Variants in SPOP observed in about 807,000 individuals in gnomAD.
The protein encoded by SPOP is speckle-type POZ protein.
Under a neutral mutation model 45.6 loss-of-function variants are expected in SPOP, and 11 were observed. The ratio of observed to expected loss-of-function variants is 0.24; its 90% CI spans 0.15 to 0.40. The LOEUF is 0.40. Among genes scored for constraint, SPOP ranks in the 10% least tolerant of loss-of-function variants. The probability of loss-of-function intolerance (pLI) is 1.00; values close to 1 mark genes in which losing one functional copy is unlikely to be tolerated. For missense variants in SPOP, 152 were observed against 465.6 expected, an observed-to-expected ratio of 0.33 and a Z score of 6.20; for synonymous variants, 166 against 166.3, an observed-to-expected ratio of 1.00 and a Z score of 0.01.
chr17:49,607,830 C>T, intron 7 of SPOP, 44 bp downstream of exon 7: 1 of 1,570,092 alleles, frequency 6.4e-7, no homozygotes, highest in Non-Finnish European at 8.7e-7. Flanking sequence ...TCATCTGACT[C>T]TAGATACCTG....
At chr17:49,663,827 G>C (rs542562302) in intron 1 of SPOP, among the ~76,000 whole-genome samples, 1 of 152,320 alleles carries the variant, frequency 6.6e-6, no homozygotes, top group East Asian at 1.9e-4. Context: ...GACAGTATTT[G>C]TTGCCAATGA....
Position 49,598,933 on chromosome 17 carries a change from G to A in SPOP, c.*1445C>T, listed in dbSNP as rs116782699. ...TTAATCTCCACATTTATGTCCCCTG[G>A]ATCTTTTTATATTTAGTTAGAAGAA... is the stretch of plus-strand genomic sequence containing the variant. On this transcript the variant is annotated 3_prime_UTR_variant, in exon 10 of 10. Transcript: ENST00000504102. 5.3e-6 allele frequency: 1 copy of A among 188,876 alleles called. No individual in the cohort carries two copies. The highest frequency in any genetic ancestry group is 2.3e-5 in the African/African-American group (1 of 42,782). The allele number at this position is 188,876 out of a possible 1,614,324, so 11.7% of individuals were successfully genotyped here.
chr17:49,607,376 T>G lies in SPOP; in HGVS notation c.715-4A>C. The G allele has an allele frequency of 6.2e-7, 1 of 1,611,396 alleles. No individual in the cohort carries two copies. Among genetic ancestry groups the G allele is most frequent in the South Asian group, 1.1e-5 (1 of 90,578 alleles). ...CATCATTGATTTCAACTCGATTCTA[T>G]GCCAGAAAAACTGAATATGAGAAAC... On this transcript the variant is annotated splice_polypyrimidine_tract_variant and splice_region_variant and intron_variant, in intron 7 of 9. Coordinates refer to ENST00000504102, the MANE Select transcript of SPOP (RefSeq NM_001007228.2).
intron 1 of SPOP, among the ~76,000 whole-genome samples, chr17:49,663,892 G>C (rs1208888441): frequency 6.6e-6 from 1 of 152,206 alleles, no homozygotes; most frequent in African/African-American, 2.4e-5. Context: ...GTAGCTACTT[G>C]ACAGCTTCCC....
chr17:49,612,701 C>T (rs1043010325), intron 5 of SPOP: 2 of 152,274 alleles, frequency 1.3e-5, no homozygotes, highest in Admixed American at 6.5e-5. Context: ...CAGTCATCTG[C>T]CTAACAATTG....
chr17:49,654,334 C>T (rs1055963043), intron 1 of SPOP, among the ~76,000 whole-genome samples: 2 of 152,142 alleles, frequency 1.3e-5, no homozygotes, highest in Admixed American at 6.5e-5. Flanking sequence ...CTCAAGTGAT[C>T]CTCCTACCCT....
intron 1 of SPOP, among the ~76,000 whole-genome samples, chr17:49,673,875 G>A (rs1360080672): frequency 6.6e-6 from 1 of 152,164 alleles, no homozygotes; most frequent in Non-Finnish European, 1.5e-5. Flanking sequence ...GGCCGGGCGT[G>A]GTGGCTCAGG....
chr17:49,665,258 T>A (rs2073037852), intron 1 of SPOP, among the ~76,000 whole-genome samples: 1 of 152,076 alleles, frequency 6.6e-6, no homozygotes, highest in African/African-American at 2.4e-5. Context: ...TTTCTTTTCT[T>A]TAGGAAAAGT....
intron 1 of SPOP, among the ~76,000 whole-genome samples, chr17:49,677,575 C>A (rs1416973678): frequency 2.0e-5 from 3 of 152,092 alleles, no homozygotes; most frequent in African/African-American, 7.2e-5. Flanking sequence ...CATGCGCCCC[C>A]GGGGCAGCGA....
intron 5 of SPOP, among the ~76,000 whole-genome samples, chr17:49,614,917 G>A (rs1015948423): frequency 4.0e-5 from 6 of 151,520 alleles, no homozygotes; most frequent in East Asian, 3.9e-4. Flanking sequence ...CAGTGGTAGC[G>A]GTGTGATCAC....
At chr17:49,634,583 G>A (rs143619680) in intron 1 of SPOP, among the ~76,000 whole-genome samples, 178 of 152,230 alleles carry the variant, frequency 1.2e-3, no homozygotes, top group African/African-American at 4.1e-3. Context: ...TGAAAAGGCT[G>A]GCCCTAATAC....
chr17:49,632,139 A>C (rs2072462121), intron 1 of SPOP, among the ~76,000 whole-genome samples: 1 of 152,220 alleles, frequency 6.6e-6, no homozygotes. Context: ...AATGAGTTCT[A>C]GTTAATAAAT....
intron 1 of SPOP, among the ~76,000 whole-genome samples, chr17:49,677,685 G>A (rs980308049): frequency 6.6e-6 from 1 of 151,936 alleles, no homozygotes; most frequent in African/African-American, 2.4e-5. Context: ...GCTGGGAAAT[G>A]ATGGGGGGGC....
intron 1 of SPOP, among the ~76,000 whole-genome samples, chr17:49,645,587 G>A (rs73333387): frequency 0.028 from 4,258 of 151,866 alleles, 202 homozygotes; most frequent in African/African-American, 0.096. Flanking sequence ...GAGTCACCGC[G>A]CCCAGCCAGA....
chr17:49,632,373 C>T (rs2072466716), intron 1 of SPOP, among the ~76,000 whole-genome samples: 1 of 152,056 alleles, frequency 6.6e-6, no homozygotes. Flanking sequence ...TTCCTGAATC[C>T]ACAAGACAAT....
intron 1 of SPOP, among the ~76,000 whole-genome samples, chr17:49,665,090 TA>T (rs1315865622): frequency 2.6e-5 from 4 of 152,224 alleles, no homozygotes; most frequent in Admixed American, 6.5e-5. Context: ...CAAACTGTTT[TA>T]TTTGGTATCC....
chr17:49,641,581 A>T (rs2072651582), intron 1 of SPOP, among the ~76,000 whole-genome samples: 1 of 151,974 alleles, frequency 6.6e-6, no homozygotes, highest in African/African-American at 2.4e-5. Context: ...AAAAGAAAAA[A>T]AAAAAACCCA....
At chr17:49,613,155 A>G (rs969054055) in intron 5 of SPOP, among the ~76,000 whole-genome samples, 6 of 152,112 alleles carry the variant, frequency 3.9e-5, no homozygotes, top group African/African-American at 1.2e-4. Context: ...CTTGTCCTTT[A>G]TAAGACCTCT....
intron 1 of SPOP, among the ~76,000 whole-genome samples, chr17:49,657,179 G>C (rs1450634344): frequency 6.6e-6 from 1 of 151,030 alleles, no homozygotes; most frequent in Non-Finnish European, 1.5e-5. Flanking sequence ...CTGGGCGACA[G>C]AGCAAGACTC....
Sources: allele counts gnomAD v4.1 joint callset (sites outside exome capture counted in the v4.1 genomes callset), GRCh38; gene constraint gnomAD v4.1.1; transcripts MANE v1.5; gene names NCBI Gene and HGNC (gene_info 2026-07-23, HGNC 2026-07-21).